CCDC148: variants seen among roughly 807,000 people sequenced by gnomAD.
The protein encoded by CCDC148 is coiled-coil domain-containing protein 148.
In CCDC148, 89 loss-of-function variants were observed where a neutral mutation model predicts 85.7. The observed-to-expected ratio is 1.04, with a 90% CI of 0.87 to 1.24. The LOEUF (loss-of-function observed/expected upper bound fraction) is 1.24. Ranked by LOEUF, CCDC148 falls within the 50% of genes most tolerant of loss-of-function variation. The pLI, the probability that CCDC148 is intolerant of heterozygous loss-of-function variation, is 0.00. For missense variants in CCDC148, 692 were observed against 671.7 expected, an observed-to-expected ratio of 1.03 and a Z score of -0.33; for synonymous variants, 230 against 213.9, an observed-to-expected ratio of 1.08 and a Z score of -0.66.
intron 9 of CCDC148, among the ~76,000 whole-genome samples, chr2:158,299,924 T>C (rs575314141): frequency 6.6e-6 from 1 of 152,342 alleles, no homozygotes; most frequent in East Asian, 1.9e-4. Context: ...TCTCATTTTC[T>C]TAGCTACTTG....
intron 2 of CCDC148, among the ~76,000 whole-genome samples, chr2:158,356,761 G>T (rs1254788248): frequency 6.9e-6 from 1 of 144,428 alleles, no homozygotes; most frequent in African/African-American, 2.6e-5. Flanking sequence ...AAATCATGCT[G>T]CTATAAAGAC....
intron 11 of CCDC148, among the ~76,000 whole-genome samples, chr2:158,189,303 G>C (rs532309905): frequency 4.6e-5 from 7 of 151,892 alleles, no homozygotes; most frequent in African/African-American, 1.4e-4. Context: ...GTTTGAGTTA[G>C]GTTTTGTCAG....
intron 1 of CCDC148, among the ~76,000 whole-genome samples, chr2:158,395,199 A>C (rs766241892): frequency 1.3e-5 from 2 of 152,114 alleles, no homozygotes; most frequent in Non-Finnish European, 2.9e-5. Flanking sequence ...AGATCTAGGC[A>C]AAAGGTAACA....
At chr2:158,271,027 T>A (rs1689673897) in intron 9 of CCDC148, among the ~76,000 whole-genome samples, 1 of 152,252 alleles carries the variant, frequency 6.6e-6, no homozygotes, top group South Asian at 2.1e-4. Flanking sequence ...GGGAAAATTC[T>A]ATAAATAATT....
chr2:158,194,528 A>G (rs1467196164), intron 11 of CCDC148, among the ~76,000 whole-genome samples: 1 of 152,118 alleles, frequency 6.6e-6, no homozygotes, highest in Non-Finnish European at 1.5e-5. Flanking sequence ...AAGGATGCCT[A>G]TTTTTAAAAT....
At chr2:158,334,886 T>A (rs968623553) in intron 7 of CCDC148, among the ~76,000 whole-genome samples, 1 of 152,152 alleles carries the variant, frequency 6.6e-6, no homozygotes, top group Non-Finnish European at 1.5e-5. Context: ...TTTGGCTGAT[T>A]TTACAAGCTT....
At chr2:158,187,148 C>G (rs1044194538) in intron 11 of CCDC148, among the ~76,000 whole-genome samples, 4 of 152,006 alleles carry the variant, frequency 2.6e-5, no homozygotes, top group Non-Finnish European at 5.9e-5. Flanking sequence ...AAAGAGCATT[C>G]ATTTCCTCAA....
At chr2:158,356,966 T>C (rs1479713022) in intron 2 of CCDC148, among the ~76,000 whole-genome samples, 1 of 148,436 alleles carries the variant, frequency 6.7e-6, no homozygotes, top group Non-Finnish European at 1.5e-5. Context: ...TCATTCTCAG[T>C]AAACTATCGC....
intron 9 of CCDC148, among the ~76,000 whole-genome samples, chr2:158,261,250 C>T (rs1054119730): frequency 7.9e-5 from 12 of 151,838 alleles, no homozygotes; most frequent in Admixed American, 2.0e-4. Context: ...ACAAAGCCAA[C>T]GAAAACAAGT....
At chr2:158,456,374 CAGG>C in intron 1 of CCDC148, 38 bp downstream of exon 1, 1 of 1,602,568 alleles carries the variant, frequency 6.2e-7, no homozygotes, top group South Asian at 1.1e-5. Flanking sequence ...TCAGTGACGT[CAGG>C]AGGAAGCAGC....
chr2:158,238,953 C>T (rs149616927), intron 10 of CCDC148, among the ~76,000 whole-genome samples: 297 of 152,224 alleles, frequency 2.0e-3, no homozygotes, highest in Non-Finnish European at 2.9e-3. Context: ...AGGTTCAAAT[C>T]CTTACTGCAC....
At chr2:158,381,634 A>T (rs894467267) in intron 1 of CCDC148, among the ~76,000 whole-genome samples, 1 of 152,174 alleles carries the variant, frequency 6.6e-6, no homozygotes, top group Non-Finnish European at 1.5e-5. Context: ...TCATCAGAAG[A>T]CATATATAAG....
chr2:158,255,587 C>T (rs566846441), intron 9 of CCDC148, among the ~76,000 whole-genome samples: 105 of 151,574 alleles, frequency 6.9e-4, no homozygotes, highest in Admixed American at 1.4e-3. Context: ...GGCAGGTGGG[C>T]AAAAGAATCA....
Position 158,338,840 on chromosome 2 carries a change from A to C in CCDC148, c.650T>G (p.Leu217Trp), listed in dbSNP as rs1682523579. The stretch of plus-strand genomic sequence containing the variant: ...TTTCAAATCAGGGTATGGGCATTCC[A>C]AACTTTCTAATTCAATGGGCAGTTC... Reference protein sequence around the residue: ...LSELPIELESLECPYPDLKSS... With the variant: ...LSELPIELESWECPYPDLKSS... The change falls in exon 7 of 14, where the codon TTG becomes TGG. Residue 217 changes from leucine to tryptophan, a missense_variant. Coordinates refer to ENST00000283233, the MANE Select transcript of CCDC148 (RefSeq NM_138803.4). 1 of 1,612,760 alleles carries C rather than the reference A, an allele frequency of 6.2e-7. No homozygotes were observed. The highest frequency in any genetic ancestry group is 1.3e-5 in the African/African-American group (1 of 74,834).
At position 158,395,787 on chromosome 2, in the gene CCDC148, TTGC is replaced by T. The variant is rs1456049303; in HGVS notation, c.26-37220_26-37218del. Among the ~76,000 whole-genome samples, 27 of 152,268 alleles carry T rather than the reference TTGC, an allele frequency of 1.8e-4. 1 individual carries two copies. Among genetic ancestry groups the T allele is most frequent in the Admixed American group, 9.8e-4 (15 of 15,282 alleles). On this transcript the variant is annotated intron_variant, in intron 1 of 13. Transcript: ENST00000283233. Reference sequence around the variant, plus strand: ...GCTAGAGCTATACATTTTTGGCAAGTTGCTGCTATTATTTTTTGACCTCTCAAA... The same window carrying T: ...GCTAGAGCTATACATTTTTGGCAAGTTGCTATTATTTTTTGACCTCTCAAA...
intron 11 of CCDC148, among the ~76,000 whole-genome samples, chr2:158,194,561 G>A (rs890818075): frequency 2.6e-5 from 4 of 152,124 alleles, no homozygotes; most frequent in African/African-American, 9.7e-5. Context: ...GCCTGCCCTA[G>A]GCTCTCTGGA....
chr2:158,231,303 A>G (rs373469273), intron 10 of CCDC148, among the ~76,000 whole-genome samples: 3 of 152,244 alleles, frequency 2.0e-5, no homozygotes, highest in African/African-American at 4.8e-5. Context: ...AACTTACTTT[A>G]TCTTTAAGAT....
At chr2:158,326,942 T>C (rs1254166219) in intron 7 of CCDC148, among the ~76,000 whole-genome samples, 1 of 152,176 alleles carries the variant, frequency 6.6e-6, no homozygotes, top group Non-Finnish European at 1.5e-5. Context: ...ATTACTTAAC[T>C]ATATACCTCA....
At chr2:158,227,062 G>A (rs985055093) in intron 10 of CCDC148, among the ~76,000 whole-genome samples, 5 of 151,836 alleles carry the variant, frequency 3.3e-5, no homozygotes, top group African/African-American at 7.3e-5. Flanking sequence ...AAACCCCATC[G>A]TCTCAGCCCA....
Sources: allele counts gnomAD v4.1 joint callset (sites outside exome capture counted in the v4.1 genomes callset), GRCh38; gene constraint gnomAD v4.1.1; transcripts MANE v1.5; gene names NCBI Gene and HGNC (gene_info 2026-07-23, HGNC 2026-07-21).